Variants in IMMP1L observed in about 807,000 individuals in gnomAD.
IMMP1L encodes inner mitochondrial membrane peptidase subunit 1, also known as mitochondrial inner membrane protease subunit 1.
IMMP1L carries 24 observed loss-of-function variants against 21.8 expected under a neutral mutation model. That is an observed-to-expected ratio of 1.10 (90% CI 0.80 to 1.55). IMMP1L has a LOEUF of 1.55. Ranked by LOEUF, IMMP1L falls within the 40% of genes most tolerant of loss-of-function variation. IMMP1L has a pLI of 0.00. For synonymous variants in IMMP1L, 46 were observed against 62.8 expected, an observed-to-expected ratio of 0.73 and a Z score of 1.26; for missense variants, 195 against 200.7, an observed-to-expected ratio of 0.97 and a Z score of 0.17.
chr11:31,441,361 G>A (rs1009277943), intron 4 of IMMP1L, among the ~76,000 whole-genome samples: 1 of 147,900 alleles, frequency 6.8e-6, no homozygotes, highest in Non-Finnish European at 1.5e-5. Context: ...AGTGTGGAAA[G>A]AGAGTTAACC....
chr11:31,468,817 GAA>G (rs748733150), intron 1 of IMMP1L, among the ~76,000 whole-genome samples: 93 of 152,236 alleles, frequency 6.1e-4, no homozygotes, highest in Non-Finnish European at 1.2e-3. Context: ...AGATGAATCA[GAA>G]AAGATTCCTC....
intron 1 of IMMP1L, among the ~76,000 whole-genome samples, chr11:31,485,286 A>G (rs560670110): frequency 1.3e-5 from 2 of 151,958 alleles, no homozygotes; most frequent in East Asian, 3.9e-4. Context: ...CAAATATTTA[A>G]TAATTAGAAA....
intron 4 of IMMP1L, chr11:31,452,117 A>G: frequency 1.5e-6 from 1 of 663,712 alleles, no homozygotes; most frequent in South Asian, 6.8e-5. Flanking sequence ...AATGAGTTCG[A>G]AAAAATAATA....
chr11:31,486,413 G>T, intron 1 of IMMP1L, among the ~76,000 whole-genome samples: 1 of 151,844 alleles, frequency 6.6e-6, no homozygotes, highest in East Asian at 1.9e-4. Flanking sequence ...CAGAGTTACT[G>T]CATTAGGTCC....
chr11:31,497,749 G>A (rs1480647119), intron 1 of IMMP1L, among the ~76,000 whole-genome samples: 7 of 152,114 alleles, frequency 4.6e-5, no homozygotes, highest in South Asian at 2.1e-4. Context: ...TGCACCCGGC[G>A]GGGTACAATA....
intron 1 of IMMP1L, among the ~76,000 whole-genome samples, chr11:31,485,603 T>G (rs959231981): frequency 6.6e-6 from 1 of 151,862 alleles, no homozygotes; most frequent in African/African-American, 2.4e-5. Flanking sequence ...GAACCATACT[T>G]AAGCTCTCAC....
chr11:31,453,043 C>T (rs1436534231), intron 4 of IMMP1L: 12 of 1,286,956 alleles, frequency 9.3e-6, no homozygotes, highest in South Asian at 1.2e-5. Flanking sequence ...TGAGCCACCG[C>T]GGCCGGCCAG....
intron 1 of IMMP1L, among the ~76,000 whole-genome samples, chr11:31,496,289 A>T (rs1955434090): frequency 6.6e-6 from 1 of 152,212 alleles, no homozygotes; most frequent in African/African-American, 2.4e-5. Flanking sequence ...CATCATATGC[A>T]TTAGGATGAC....
At chr11:31,452,673 C>G (rs572494117) in intron 4 of IMMP1L, 2 of 989,684 alleles carry the variant, frequency 2.0e-6, no homozygotes, top group African/African-American at 3.5e-5. Flanking sequence ...GTAGCCAATG[C>G]TCAGTTCATA....
Position 31,509,516 on chromosome 11 carries a change from T to C in IMMP1L, c.-30+3A>G. 3.7e-6 allele frequency: 2 copies of C among 534,932 alleles called. No homozygotes were observed. The highest frequency in any genetic ancestry group is 6.7e-6 in the Non-Finnish European group (2 of 296,346). The allele number at this position is 534,932 out of a possible 1,614,324, so 33.1% of individuals were successfully genotyped here. ...GAGAAGAACGTTACGTGATATTACCTACCTCGGGCCCCAAAGAACCCTGGA... is the reference window on the plus strand; with the variant it reads ...GAGAAGAACGTTACGTGATATTACCCACCTCGGGCCCCAAAGAACCCTGGA... On this transcript the variant is annotated splice_donor_region_variant and intron_variant, in intron 1 of 5. Coordinates refer to ENST00000532287, the MANE Select transcript of IMMP1L (RefSeq NM_001304274.2).
At chr11:31,440,003 A>C (rs950043313) in intron 4 of IMMP1L, among the ~76,000 whole-genome samples, 1 of 152,144 alleles carries the variant, frequency 6.6e-6, no homozygotes, top group Non-Finnish European at 1.5e-5. Flanking sequence ...ATTGAGCCCA[A>C]AGCCAAGGGA....
chr11:31,495,686 G>A (rs1955408187), intron 1 of IMMP1L, among the ~76,000 whole-genome samples: 1 of 152,118 alleles, frequency 6.6e-6, no homozygotes, highest in South Asian at 2.1e-4. Context: ...TAGACCAATG[G>A]AATAGAATAA....
Position 31,442,722 on chromosome 11 carries a change from C to T in IMMP1L, c.322-9152G>A, listed in dbSNP as rs183711281. ...ATGAAAGAAACAAACAAAATTATGA[C>T]GCAAGGTGAGGAACAAAGTTTTTAG... On this transcript the variant is annotated intron_variant, in intron 4 of 5. Coordinates refer to ENST00000532287, the MANE Select transcript of IMMP1L (RefSeq NM_001304274.2). 2.4e-4 allele frequency among the ~76,000 whole-genome samples: 36 copies of T among 151,968 alleles called. No individual in the cohort carries two copies. In the Middle Eastern group the frequency reaches 0.01, roughly 43 times the overall value.
chr11:31,487,250 T>C (rs1955112137), intron 1 of IMMP1L, among the ~76,000 whole-genome samples: 1 of 152,038 alleles, frequency 6.6e-6, no homozygotes, highest in Admixed American at 6.6e-5. Flanking sequence ...TCCACAATCC[T>C]AATTAAAAGT....
At position 31,456,269 on chromosome 11, in the gene IMMP1L, GC is replaced by G; in HGVS notation, c.311del (p.Ser104ThrfsTer12). The G allele has an allele frequency of 6.3e-7, 1 of 1,591,074 alleles. No individual in the cohort carries two copies. Among genetic ancestry groups the G allele is most frequent in the South Asian group, 1.1e-5 (1 of 87,920 alleles). On this transcript the variant is annotated frameshift_variant, in exon 4 of 6. Transcript: ENST00000532287. LOFTEE classifies it high-confidence loss of function. Reference protein sequence around the residue: ...LTTSPSDFFKSHSYVPMGHVW... With the variant: ...LTTSPSDFFKXHSYVPMGHVW... The stretch of plus-strand genomic sequence containing the variant: ...TTGAAATGTTACTTACATAACTATG[GC>G]TTTTAAAGAAATCTGATGGACTAGT...
chr11:31,464,036 T>C (rs1490796855), intron 1 of IMMP1L, among the ~76,000 whole-genome samples: 1 of 152,116 alleles, frequency 6.6e-6, no homozygotes, highest in Non-Finnish European at 1.5e-5. Context: ...ATTTAACTGT[T>C]ACAACTATGT....
chr11:31,437,053 A>G, intron 4 of IMMP1L: 1 of 363,492 alleles, frequency 2.8e-6, no homozygotes, highest in Non-Finnish European at 5.5e-6. Context: ...AGATCTCTAT[A>G]AAACAAGAAA....
intron 1 of IMMP1L, among the ~76,000 whole-genome samples, chr11:31,494,795 G>A (rs539357122): frequency 1.7e-4 from 26 of 152,042 alleles, no homozygotes; most frequent in African/African-American, 5.1e-4. Flanking sequence ...ACAGGTGCCC[G>A]CCACCACGCC....
chr11:31,506,494 T>C (rs1955782568), intron 1 of IMMP1L, among the ~76,000 whole-genome samples: 1 of 151,964 alleles, frequency 6.6e-6, no homozygotes, highest in Non-Finnish European at 1.5e-5. Flanking sequence ...CCTCCCATAG[T>C]GCTGGAATTA....
Sources: gnomAD v4.1 joint callset for allele counts (sites outside exome capture counted in the v4.1 genomes callset) on GRCh38, gnomAD v4.1.1 for gene constraint, MANE v1.5 for transcripts, NCBI Gene and HGNC (gene_info 2026-07-23, HGNC 2026-07-21) for gene names.